LRRTM4: variants seen among roughly 807,000 people sequenced by gnomAD.
The protein encoded by LRRTM4 is leucine rich repeat transmembrane neuronal 4.
LRRTM4 carries 25 observed loss-of-function variants against 47.6 expected under a neutral mutation model. The ratio of observed to expected loss-of-function variants is 0.53; its 90% confidence interval spans 0.38 to 0.73. The LOEUF (loss-of-function observed/expected upper bound fraction) is 0.73. Among genes scored for constraint, LRRTM4 ranks in the 30% least tolerant of loss-of-function variants. The pLI is 0.00. For synonymous variants in LRRTM4, 311 were observed against 269.5 expected, an observed-to-expected ratio of 1.15 and a Z score of -1.51; for missense variants, 638 against 713.4, an observed-to-expected ratio of 0.89 and a Z score of 1.20.
chr2:77,343,174 C>T (rs1231722028), intron 3 of LRRTM4, among the ~76,000 whole-genome samples: 1 of 151,928 alleles, frequency 6.6e-6, no homozygotes, highest in Non-Finnish European at 1.5e-5. Context: ...GAGTTTCTGT[C>T]ACTTGCAACC....
intron 3 of LRRTM4, among the ~76,000 whole-genome samples, chr2:76,829,227 G>T (rs1265618686): frequency 6.6e-6 from 1 of 151,958 alleles, no homozygotes; most frequent in East Asian, 1.9e-4. Context: ...GCTGGGTAAT[G>T]AGATAATTAT....
chr2:77,401,459 C>T (rs568300032), intron 3 of LRRTM4, among the ~76,000 whole-genome samples: 20 of 151,898 alleles, frequency 1.3e-4, no homozygotes, highest in Non-Finnish European at 2.5e-4. Flanking sequence ...TGTAACATTA[C>T]GGTAAATATA....
intron 3 of LRRTM4, among the ~76,000 whole-genome samples, chr2:77,264,326 C>CAGAGAG (rs141182779): frequency 1.3e-5 from 2 of 150,606 alleles, no homozygotes; most frequent in Non-Finnish European, 3.0e-5. Context: ...GAGAGAGAGA[C>CAGAGAG]AGAGAGAGAG....
At chr2:76,913,227 A>G (rs982687098) in intron 3 of LRRTM4, among the ~76,000 whole-genome samples, 4 of 152,070 alleles carry the variant, frequency 2.6e-5, no homozygotes, top group Non-Finnish European at 4.4e-5. Flanking sequence ...AGAGATACAG[A>G]TGTTATATAT....
chr2:77,072,254 ACT>A (rs1050779304), intron 3 of LRRTM4, among the ~76,000 whole-genome samples: 6 of 152,046 alleles, frequency 3.9e-5, no homozygotes, highest in South Asian at 4.1e-4. Flanking sequence ...TACAGTTCTG[ACT>A]CTATTTAAAA....
At chr2:76,984,742 T>A (rs183121759) in intron 3 of LRRTM4, among the ~76,000 whole-genome samples, 1 of 152,174 alleles carries the variant, frequency 6.6e-6, no homozygotes, top group African/African-American at 2.4e-5. Context: ...ATTTTCAAGA[T>A]TCTTTATCTA....
At chr2:77,319,761 A>T (rs1677732811) in intron 3 of LRRTM4, among the ~76,000 whole-genome samples, 1 of 152,196 alleles carries the variant, frequency 6.6e-6, no homozygotes, top group African/African-American at 2.4e-5. Context: ...TACATTTTGA[A>T]ATAACCATAC....
intron 3 of LRRTM4, among the ~76,000 whole-genome samples, chr2:76,980,570 C>G (rs990771627): frequency 6.6e-6 from 1 of 151,976 alleles, no homozygotes; most frequent in Admixed American, 6.6e-5. Flanking sequence ...AAGACAAGTT[C>G]TTGGCATCAG....
chr2:76,766,053 A>G (rs1464789319), intron 3 of LRRTM4, among the ~76,000 whole-genome samples: 1 of 152,214 alleles, frequency 6.6e-6, no homozygotes, highest in Non-Finnish European at 1.5e-5. Flanking sequence ...CACAAGGATC[A>G]TTATATTAGC....
At chr2:76,795,404 A>C (rs997918681) in intron 3 of LRRTM4, among the ~76,000 whole-genome samples, 1 of 151,288 alleles carries the variant, frequency 6.6e-6, no homozygotes, top group Non-Finnish European at 1.5e-5. Context: ...TCTATACTGA[A>C]CATGTAAAGA....
intron 3 of LRRTM4, among the ~76,000 whole-genome samples, chr2:77,348,939 T>C (rs1004141207): frequency 2.0e-5 from 3 of 151,866 alleles, no homozygotes; most frequent in Non-Finnish European, 4.4e-5. Context: ...CCACTTATAA[T>C]AAAAACTCTA....
intron 3 of LRRTM4, among the ~76,000 whole-genome samples, chr2:77,325,610 CTAAT>C (rs1670738951): frequency 6.6e-6 from 1 of 152,176 alleles, no homozygotes; most frequent in East Asian, 1.9e-4. Context: ...ACAATTCTCT[CTAAT>C]TCCTCTCTAA....
rs142137862 is a variant in LRRTM4, at chr2:77,059,514, G to A, written c.1552-310598C>T. The stretch of plus-strand genomic sequence containing the variant: ...CCAGTTCCTCCTCAATCATCATTTG[G>A]AACACATTCCATGTGCCTGACCAGC... On this transcript the variant is annotated intron_variant, in intron 3 of 3. Transcript: ENST00000409884. Among the ~76,000 whole-genome samples, 134 of 152,218 alleles carry A rather than the reference G, an allele frequency of 8.8e-4. 1 individual carries two copies. In the East Asian group the frequency reaches 0.023, roughly 26 times the overall value.
intron 3 of LRRTM4, among the ~76,000 whole-genome samples, chr2:77,320,440 C>G (rs1052228780): frequency 1.3e-5 from 2 of 152,156 alleles, no homozygotes; most frequent in Non-Finnish European, 2.9e-5. Flanking sequence ...TTTTTCTTCT[C>G]TGTTGTGCTC....
At chr2:76,952,348 C>T (rs1382175725) in intron 3 of LRRTM4, among the ~76,000 whole-genome samples, 1 of 151,818 alleles carries the variant, frequency 6.6e-6, no homozygotes, top group African/African-American at 2.4e-5. Flanking sequence ...AACAAATCAA[C>T]AAGAAAACAA....
chr2:77,467,012 C>T (rs1314299706), intron 3 of LRRTM4, among the ~76,000 whole-genome samples: 1 of 152,008 alleles, frequency 6.6e-6, no homozygotes, highest in Non-Finnish European at 1.5e-5. Context: ...ACTATGGCAA[C>T]TTTTGTTTTC....
At chr2:76,914,373 A>G (rs1674173983) in intron 3 of LRRTM4, among the ~76,000 whole-genome samples, 1 of 152,016 alleles carries the variant, frequency 6.6e-6, no homozygotes, top group Admixed American at 6.6e-5. Context: ...TGCATTGTCA[A>G]TAAATTATAT....
At chr2:77,486,509 A>G (rs1392581697) in intron 3 of LRRTM4, among the ~76,000 whole-genome samples, 2 of 152,196 alleles carry the variant, frequency 1.3e-5, no homozygotes, top group Non-Finnish European at 2.9e-5. Context: ...ATTATGGATT[A>G]CAAGAATGGA....
chr2:77,320,768 G>GA (rs890231837), intron 3 of LRRTM4, among the ~76,000 whole-genome samples: 3 of 151,782 alleles, frequency 2.0e-5, no homozygotes, highest in South Asian at 2.1e-4. Flanking sequence ...AATACACAGA[G>GA]AAAAAAATGT....
Sources: allele counts gnomAD v4.1 joint callset (sites outside exome capture counted in the v4.1 genomes callset), GRCh38; gene constraint gnomAD v4.1.1; transcripts MANE v1.5; gene names NCBI Gene and HGNC (gene_info 2026-07-23, HGNC 2026-07-21).